Variants in NT5DC1 observed in about 807,000 individuals in gnomAD.
NT5DC1 encodes 5'-nucleotidase domain containing 1.
Under a neutral mutation model 59.4 loss-of-function variants are expected in NT5DC1, and 42 were observed. The ratio of observed to expected loss-of-function variants is 0.71; its 90% CI spans 0.55 to 0.92. NT5DC1 has a LOEUF of 0.92. Ranked by LOEUF, NT5DC1 falls within the 40% of genes least tolerant of loss-of-function variation. NT5DC1 has a pLI of 0.00. For synonymous variants in NT5DC1, 172 were observed against 188.1 expected (o/e 0.91, Z 0.70); for missense variants, 501 against 537.1 (o/e 0.93, Z 0.66).
intron 6 of NT5DC1, among the ~76,000 whole-genome samples, chr6:116,140,526 T>C (rs1779740473): frequency 6.6e-6 from 1 of 152,148 alleles, no homozygotes; most frequent in Non-Finnish European, 1.5e-5. Flanking sequence ...TGTATGTGTA[T>C]CTGCTACCCA....
At chr6:116,207,640 A>T (rs2114520829) in intron 6 of NT5DC1, among the ~76,000 whole-genome samples, 1 of 152,098 alleles carries the variant, frequency 6.6e-6, no homozygotes, top group South Asian at 2.1e-4. Context: ...GCAGTGTGAA[A>T]AAGGCAAAAA....
chr6:116,159,869 G>GT (rs755870658), intron 6 of NT5DC1, among the ~76,000 whole-genome samples: 2 of 152,098 alleles, frequency 1.3e-5, no homozygotes, highest in Non-Finnish European at 2.9e-5. Context: ...TGCGATATTT[G>GT]TTTTTTTGTT....
intron 6 of NT5DC1, among the ~76,000 whole-genome samples, chr6:116,167,885 A>G (rs1243247081): frequency 6.6e-6 from 1 of 152,100 alleles, no homozygotes; most frequent in Non-Finnish European, 1.5e-5. Flanking sequence ...TTTTTATTTC[A>G]CTTTCATTCT....
chr6:116,188,970 T>G (rs557165749), intron 6 of NT5DC1, among the ~76,000 whole-genome samples: 1 of 151,942 alleles, frequency 6.6e-6, no homozygotes, highest in Non-Finnish European at 1.5e-5. Context: ...AAATAAAACA[T>G]TATCATTGGC....
At chr6:116,213,973 C>T (rs1015136676) in intron 6 of NT5DC1, among the ~76,000 whole-genome samples, 8 of 152,042 alleles carry the variant, frequency 5.3e-5, no homozygotes, top group South Asian at 2.1e-4. Context: ...GTGATCCTCC[C>T]GCCTCACCTT....
rs917807041 is a variant in NT5DC1 at position 116,245,025 on chromosome 6, A to G, written c.*1001A>G. ...TTTATCTCATTGGGAAGAAATTTGT[A>G]GTTAAAACTATTTAATGTAATTTGA... On this transcript the variant is annotated 3_prime_UTR_variant, in exon 12 of 12. Coordinates refer to ENST00000319550, the MANE Select transcript of NT5DC1 (RefSeq NM_152729.3). 8.3e-5 allele frequency: 11 copies of G among 132,618 alleles called. 1 individual carries two copies. The highest frequency in any genetic ancestry group is 2.7e-4 in the African/African-American group (11 of 40,542). 8.2% of individuals were successfully genotyped at this position (132,618 alleles called of 1,614,324 possible). A position where few individuals can be genotyped will look rare whatever the true frequency, so the allele number is the denominator to read the frequency against.
chr6:116,146,992 T>A (rs939652170), intron 6 of NT5DC1, among the ~76,000 whole-genome samples: 9 of 96,452 alleles, frequency 9.3e-5, no homozygotes, highest in Admixed American at 5.9e-4. Flanking sequence ...ATGTATAAAA[T>A]AATATAAAAT....
At chr6:116,115,234 A>ATTTGC (rs2308231) in intron 4 of NT5DC1, among the ~76,000 whole-genome samples, 2 of 151,344 alleles carry the variant, frequency 1.3e-5, no homozygotes, top group African/African-American at 4.9e-5. Context: ...TTATACTGAA[A>ATTTGC]TTAAATGGCA....
intron 6 of NT5DC1, among the ~76,000 whole-genome samples, chr6:116,194,983 A>T (rs976668394): frequency 3.3e-5 from 5 of 152,102 alleles, no homozygotes; most frequent in Non-Finnish European, 5.9e-5. Flanking sequence ...TACAGTGATT[A>T]TTCAAACCTA....
intron 6 of NT5DC1, among the ~76,000 whole-genome samples, chr6:116,135,870 T>TATATAC (rs1779585819): frequency 3.4e-5 from 4 of 119,272 alleles, no homozygotes; most frequent in South Asian, 2.4e-4. Context: ...TATATATATA[T>TATATAC]ATACACACAT....
At chr6:116,166,162 A>G (rs912275395) in intron 6 of NT5DC1, among the ~76,000 whole-genome samples, 1 of 152,166 alleles carries the variant, frequency 6.6e-6, no homozygotes, top group Non-Finnish European at 1.5e-5. Flanking sequence ...CTCGGGAGTC[A>G]ATCTCTGCGA....
intron 6 of NT5DC1, among the ~76,000 whole-genome samples, chr6:116,204,852 T>C (rs1158405303): frequency 6.6e-6 from 1 of 152,028 alleles, no homozygotes; most frequent in African/African-American, 2.4e-5. Flanking sequence ...TCAGTAATTA[T>C]TTGTTATAAT....
At chr6:116,113,855 C>G (rs1472176513) in intron 4 of NT5DC1, among the ~76,000 whole-genome samples, 1 of 152,176 alleles carries the variant, frequency 6.6e-6, no homozygotes, top group African/African-American at 2.4e-5. Context: ...ATGCTTCCTG[C>G]TCCAACAGTG....
chr6:116,204,655 A>G (rs1781413288), intron 6 of NT5DC1, among the ~76,000 whole-genome samples: 1 of 152,030 alleles, frequency 6.6e-6, no homozygotes, highest in Non-Finnish European at 1.5e-5. Flanking sequence ...ACATGGACTC[A>G]GATACAATGT....
At position 116,154,732 on chromosome 6, in the gene NT5DC1, A is replaced by G. The variant is rs575427424; in HGVS notation, c.529+36787A>G. 6.6e-5 allele frequency among the ~76,000 whole-genome samples: 10 copies of G among 152,270 alleles called. No homozygotes were observed. The East Asian group carries it at 1.7e-3, about 26-fold the overall frequency. On this transcript the variant is annotated intron_variant, in intron 6 of 11. Transcript: ENST00000319550. ...GATGGAATTAAATAATTTCTCATTCATTCTATTTTATTTCACTCATCAAAC... is the reference window on the plus strand; with the variant it reads ...GATGGAATTAAATAATTTCTCATTCGTTCTATTTTATTTCACTCATCAAAC...
intron 8 of NT5DC1, among the ~76,000 whole-genome samples, chr6:116,235,380 C>T (rs1562176479): frequency 6.6e-6 from 1 of 152,124 alleles, no homozygotes; most frequent in Non-Finnish European, 1.5e-5. Context: ...GGCTTCCTAT[C>T]TATTCTTTCT....
rs1181483003 is a variant in NT5DC1 at position 116,106,312 on chromosome 6, G to C, written c.162G>C (p.Val54=). ...EKGYDKELLN[V]TPEDWDFCCK... ...GGTACGATAAGGAATTGCTCAATGT[G>C]ACCCCAGAGGATTGGGATTTCTGGT... is the stretch of plus-strand genomic sequence containing the variant. The change falls in exon 2 of 12, where the codon GTG becomes GTC. Residue 54 remains valine (V), a synonymous_variant. Transcript: ENST00000319550. 1 of 1,531,908 alleles carries C rather than the reference G, an allele frequency of 6.5e-7. No individual in the cohort carries two copies. The highest frequency in any genetic ancestry group is 9.0e-7 in the Non-Finnish European group (1 of 1,108,414). 94.9% of individuals were successfully genotyped at this position (1,531,908 alleles called of 1,614,324 possible). A position where few individuals can be genotyped will look rare whatever the true frequency, so the allele number is the denominator to read the frequency against.
intron 6 of NT5DC1, among the ~76,000 whole-genome samples, chr6:116,123,795 T>G (rs1007626753): frequency 6.6e-6 from 1 of 152,092 alleles, no homozygotes; most frequent in African/African-American, 2.4e-5. Context: ...TGTTAAGATA[T>G]TTTCATTTGT....
intron 2 of NT5DC1, 117 bp from the exon 3 acceptor site, chr6:116,108,247 A>G: frequency 1.5e-6 from 1 of 687,928 alleles, no homozygotes; most frequent in East Asian, 2.6e-5. Context: ...TTAACATATC[A>G]TTCCCCTGGG....
Sources: gnomAD v4.1 joint callset for allele counts (sites outside exome capture counted in the v4.1 genomes callset) on GRCh38, gnomAD v4.1.1 for gene constraint, MANE v1.5 for transcripts, NCBI Gene and HGNC (gene_info 2026-07-23, HGNC 2026-07-21) for gene names.